Variants in MAP3K15 observed in about 807,000 individuals in gnomAD.
The protein encoded by MAP3K15 is mitogen-activated protein kinase kinase kinase 15, also known as MAPK/ERK kinase kinase 15.
A neutral mutation model predicts 99.5 loss-of-function variants in MAP3K15; 124 were observed. The ratio of observed to expected loss-of-function variants is 1.25; its 90% CI spans 1.08 to 1.45. MAP3K15 has a LOEUF of 1.45. Ranked by LOEUF, MAP3K15 falls within the 40% of genes most tolerant of loss-of-function variation. The pLI is 0.00. For synonymous variants in MAP3K15, 494 were observed against 439.6 expected (o/e 1.12, Z -1.55); for missense variants, 1,242 against 1,079.7 (o/e 1.15, Z -2.11).
chrX:19,402,830 AAT>A (rs936747434), intron 13 of MAP3K15, among the ~76,000 whole-genome samples: 6 of 111,037 alleles, frequency 5.4e-5, no homozygotes, highest in African/African-American at 2.0e-4. Flanking sequence ...ACGCCCAGCT[AAT>A]TTTTTTATTT....
At chrX:19,430,497 T>C (rs1030658197) in intron 7 of MAP3K15, among the ~76,000 whole-genome samples, 1 of 111,933 alleles carries the variant, frequency 8.9e-6, no homozygotes, top group African/African-American at 3.3e-5. Context: ...ATCATAATCA[T>C]TGCTGTTCGA....
intron 13 of MAP3K15, among the ~76,000 whole-genome samples, chrX:19,406,445 C>T (rs145933063): frequency 0.019 from 2,113 of 111,931 alleles, 61 homozygotes; most frequent in African/African-American, 0.065. Context: ...AAAAAAATTA[C>T]GCTAAGTGAA....
intron 1 of MAP3K15, among the ~76,000 whole-genome samples, chrX:19,512,745 C>A (rs1398033265): frequency 9.2e-6 from 1 of 108,466 alleles, no homozygotes; most frequent in Non-Finnish European, 1.9e-5. Context: ...AGGCGTGAGC[C>A]ACTGCACCTG....
chrX:19,382,244 CAAAAAAA>C (rs1047109372), intron 18 of MAP3K15, among the ~76,000 whole-genome samples: 9 of 31,569 alleles, frequency 2.9e-4, no homozygotes, highest in African/African-American at 4.4e-4. Context: ...ACTCAGTCTC[CAAAAAAA>C]AAAAAAAAAA....
In MAP3K15 at chrX:19,441,406, C is replaced by G. The variant is rs774498300; in HGVS notation, c.996-9798G>C. Reference sequence around the variant, plus strand: ...GGAGGATGATGAAAACATTCTAAAACTGATCGTAGTGATGGTTGTACAACT... The same window carrying G: ...GGAGGATGATGAAAACATTCTAAAAGTGATCGTAGTGATGGTTGTACAACT... On this transcript the variant is annotated intron_variant, in intron 6 of 28. Coordinates refer to ENST00000338883, the MANE Select transcript of MAP3K15 (RefSeq NM_001001671.4). 8.2e-5 allele frequency among the ~76,000 whole-genome samples: 9 copies of G among 110,029 alleles called. No homozygotes were observed. In the East Asian group the frequency reaches 2.3e-3, roughly 28 times the overall value.
intron 15 of MAP3K15, among the ~76,000 whole-genome samples, chrX:19,397,002 C>T (rs761851242): frequency 4.3e-4 from 47 of 108,722 alleles, no homozygotes; most frequent in African/African-American, 1.6e-3. Flanking sequence ...GGGGTTCAAG[C>T]GATTCTCGTG....
chrX:19,409,959 T>C lies in MAP3K15; in HGVS notation c.1713A>G (p.Glu571=). 1.7e-6 allele frequency: 2 copies of C among 1,205,535 alleles called. No homozygotes were observed. The highest frequency in any genetic ancestry group is 2.2e-6 in the Non-Finnish European group (2 of 890,142). Residue 571 remains glutamate (E), a synonymous_variant, in exon 12 of 29, where the codon GAA becomes GAG. Coordinates refer to ENST00000338883, the MANE Select transcript of MAP3K15 (RefSeq NM_001001671.4). The part of the protein sequence containing the change: ...VSPTEMKQMH[E]WNFTASSIKG... ...TTATGGAAGAGGCTGTAAAATTCCATTCGTGCATCTGTTTCTGCAAGTTAT... is the reference window on the plus strand; with the variant it reads ...TTATGGAAGAGGCTGTAAAATTCCACTCGTGCATCTGTTTCTGCAAGTTAT...
intron 6 of MAP3K15, among the ~76,000 whole-genome samples, chrX:19,454,926 T>C (rs1317186617): frequency 8.9e-6 from 1 of 111,968 alleles, no homozygotes; most frequent in Non-Finnish European, 1.9e-5. Flanking sequence ...TCAAAAAGTT[T>C]TGGATTTAGG....
At chrX:19,444,859 C>T (rs1948142031) in intron 6 of MAP3K15, among the ~76,000 whole-genome samples, 2 of 111,089 alleles carry the variant, frequency 1.8e-5, no homozygotes, top group Admixed American at 9.6e-5. Flanking sequence ...GATAGCATCC[C>T]ACTGCCACTC....
At chrX:19,463,390 T>C (rs964944485) in intron 4 of MAP3K15, among the ~76,000 whole-genome samples, 3 of 112,111 alleles carry the variant, frequency 2.7e-5, no homozygotes, top group Non-Finnish European at 5.6e-5. Context: ...GTCCTCTACA[T>C]TTCATTTCAG....
intron 7 of MAP3K15, among the ~76,000 whole-genome samples, chrX:19,426,594 C>T (rs1394499827): frequency 9.1e-6 from 1 of 109,968 alleles, no homozygotes; most frequent in Admixed American, 9.8e-5. Flanking sequence ...GCACGTGGAC[C>T]ACTTGAGGCC....
chrX:19,381,700 G>A (rs756490146), intron 18 of MAP3K15, among the ~76,000 whole-genome samples: 1 of 112,419 alleles, frequency 8.9e-6, no homozygotes, highest in East Asian at 2.8e-4. Flanking sequence ...GGCTTTGGAC[G>A]TGCTCTTGTG....
chrX:19,491,680 T>A (rs1249713111), intron 1 of MAP3K15, among the ~76,000 whole-genome samples: 3 of 109,272 alleles, frequency 2.7e-5, no homozygotes, highest in Non-Finnish European at 5.7e-5. Context: ...TATGGTTGGG[T>A]TTTTTAACTT....
intron 8 of MAP3K15, 40 bp from the exon 9 acceptor site, chrX:19,425,730 T>C: frequency 8.8e-7 from 1 of 1,133,603 alleles, no homozygotes; most frequent in South Asian, 2.0e-5. Context: ...ATAATCTTTT[T>C]TAGTTTCTGT....
In MAP3K15 at chrX:19,411,603, G is replaced by A. The variant is rs764346660; in HGVS notation, c.1699-1630C>T. ...TAAAGTAGGGAAGGGCATTAAGATA[G>A]GGCAGGGGGTCACGTTGTTCAACAG... On this transcript the variant is annotated intron_variant, in intron 11 of 28. Coordinates refer to ENST00000338883, the MANE Select transcript of MAP3K15 (RefSeq NM_001001671.4). Among the ~76,000 whole-genome samples the A allele has an allele frequency of 6.0e-4, 67 of 110,894 alleles. 1 individual carries two copies. Among genetic ancestry groups the A allele is most frequent in the African/African-American group, 2.1e-3 (65 of 30,466 alleles).
In MAP3K15 at chrX:19,360,770, TG is replaced by T. The variant is rs1165543621; in HGVS notation, c.3920del (p.Ser1307Ter). On this transcript the variant is annotated frameshift_variant, in exon 29 of 29. Coordinates refer to ENST00000338883, the MANE Select transcript of MAP3K15 (RefSeq NM_001001671.4). LOFTEE classifies it high-confidence loss of function. ...GGTATCAAGCCTTGTCTTTGGTTTC[TG>T]AGGCCTCCTGAGCCCTTCTGTACTG... ...VSQYRRAQEA[S>X]ETKDKA The T allele has an allele frequency of 1.7e-6, 2 of 1,208,997 alleles. No individual in the cohort carries two copies. Among genetic ancestry groups the T allele is most frequent in the Non-Finnish European group, 2.2e-6 (2 of 893,942 alleles).
rs955006842 is a variant in MAP3K15, at chrX:19,360,689, G to C, written c.*60C>G. On this transcript the variant is annotated 3_prime_UTR_variant, in exon 29 of 29. Transcript: ENST00000338883. The stretch of plus-strand genomic sequence containing the variant: ...AGCGGAATTCGTGTATACACTAACA[G>C]AAGCTTTAACAAAACATGTAGCGTG... 5.5e-6 allele frequency: 5 copies of C among 911,434 alleles called. No individual in the cohort carries two copies. Among genetic ancestry groups the C allele is most frequent in the Admixed American group, 4.8e-5 (2 of 41,786 alleles). The allele number at this position is 911,434 out of a possible 1,213,427, so 75.1% of individuals were successfully genotyped here.
chrX:19,372,401 C>T (rs2063381934), intron 22 of MAP3K15, among the ~76,000 whole-genome samples: 1 of 112,175 alleles, frequency 8.9e-6, no homozygotes, highest in African/African-American at 3.2e-5. Context: ...CACCAGGGGG[C>T]AGCACCGCCC....
At chrX:19,378,808 T>G (rs1394198055) in intron 19 of MAP3K15, among the ~76,000 whole-genome samples, 1 of 111,927 alleles carries the variant, frequency 8.9e-6, no homozygotes, top group African/African-American at 3.2e-5. Context: ...CAATCTTGGC[T>G]GCTCGGCGGT....
Sources: allele counts gnomAD v4.1 joint callset (sites outside exome capture counted in the v4.1 genomes callset), GRCh38; gene constraint gnomAD v4.1.1; transcripts MANE v1.5; gene names NCBI Gene and HGNC (gene_info 2026-07-23, HGNC 2026-07-21).